DOCK10: variants seen among roughly 807,000 people sequenced by gnomAD.
The protein encoded by DOCK10 is dedicator of cytokinesis 10, also known as dedicator of cytokinesis protein 10.
DOCK10 carries 145 observed loss-of-function variants against 280.1 expected under a neutral mutation model. The observed-to-expected ratio is 0.52, with a 90% CI of 0.45 to 0.59. The LOEUF is 0.59. Ranked by LOEUF, DOCK10 falls within the 20% of genes least tolerant of loss-of-function variation. The pLI, the probability that DOCK10 is intolerant of heterozygous loss-of-function variation, is 0.00. For synonymous variants in DOCK10, 915 were observed against 942.2 expected, an observed-to-expected ratio of 0.97 and a Z score of 0.53; for missense variants, 2,368 against 2,651.7, an observed-to-expected ratio of 0.89 and a Z score of 2.35.
At chr2:224,952,168 C>T (rs544564178) in intron 1 of DOCK10, among the ~76,000 whole-genome samples, 6 of 152,150 alleles carry the variant, frequency 3.9e-5, no homozygotes, top group African/African-American at 1.2e-4. Flanking sequence ...CACAGCTGTA[C>T]GAAAATTCAT....
chr2:224,814,776 C>T (rs1249213668), intron 30 of DOCK10, among the ~76,000 whole-genome samples: 1 of 152,176 alleles, frequency 6.6e-6, no homozygotes, highest in Non-Finnish European at 1.5e-5. Context: ...CCTGCCTTGA[C>T]CTCCCAAAGT....
chr2:224,999,757 T>C lies in DOCK10; in HGVS notation c.123+42495A>G, dbSNP rs185374607. 1.4e-4 allele frequency among the ~76,000 whole-genome samples: 21 copies of C among 151,906 alleles called. No individual in the cohort carries two copies. The East Asian group carries it at 3.9e-3, about 28-fold the overall frequency. On this transcript the variant is annotated intron_variant, in intron 1 of 55. Coordinates refer to ENST00000258390, the MANE Select transcript of DOCK10 (RefSeq NM_014689.3). The stretch of plus-strand genomic sequence containing the variant: ...ATTCTTTAGTCTAAAATGAGTGTTG[T>C]CTGGTTGAATGCCCATAATTGCAGA...
At chr2:224,904,974 C>T (rs1700509350) in intron 3 of DOCK10, among the ~76,000 whole-genome samples, 1 of 152,146 alleles carries the variant, frequency 6.6e-6, no homozygotes, top group South Asian at 2.1e-4. Flanking sequence ...ATAGCCAACT[C>T]CCCCTCCTCT....
rs1690022016 is a variant in DOCK10 at position 224,765,145 on chromosome 2, A to G, written c.*576T>C. The G allele has an allele frequency of 6.5e-6, 1 of 152,686 alleles. No individual in the cohort carries two copies. The allele number at this position is 152,686 out of a possible 1,614,324, so 9.5% of individuals were successfully genotyped here. On this transcript the variant is annotated 3_prime_UTR_variant, in exon 56 of 56. Coordinates refer to ENST00000258390, the MANE Select transcript of DOCK10 (RefSeq NM_014689.3). ...AACAATAAAATACTTTCATAATTTC[A>G]CATCCCATTGCTTTTAAGAGCACAT...
chr2:224,837,591 C>T (rs1695671810), intron 25 of DOCK10, 171 bp downstream of exon 25: 3 of 594,846 alleles, frequency 5.0e-6, no homozygotes, highest in Non-Finnish European at 9.1e-6. Context: ...ATTCACCTAG[C>T]CCATTAATGC....
At chr2:224,919,246 G>A (rs1575057803) in intron 2 of DOCK10, among the ~76,000 whole-genome samples, 1 of 89,416 alleles carries the variant, frequency 1.1e-5, no homozygotes. Context: ...GTGGGTGTGT[G>A]GTATGTGAAT....
chr2:224,845,651 A>G lies in DOCK10; in HGVS notation c.2236-9T>C, dbSNP rs1696295083. 1.0e-5 allele frequency: 16 copies of G among 1,607,058 alleles called. No individual in the cohort carries two copies. Among genetic ancestry groups the G allele is most frequent in the Non-Finnish European group, 1.4e-5 (16 of 1,177,410 alleles). ...GGTAGCTCAATTTTCACCTGCAACG[A>G]AAGAAACCATAGTTGGACTGAGATT... On this transcript the variant is annotated splice_polypyrimidine_tract_variant and intron_variant, in intron 19 of 55. Coordinates refer to ENST00000258390, the MANE Select transcript of DOCK10 (RefSeq NM_014689.3).
intron 1 of DOCK10, among the ~76,000 whole-genome samples, chr2:224,944,295 C>T (rs1040639016): frequency 2.0e-5 from 3 of 152,202 alleles, no homozygotes; most frequent in Admixed American, 1.3e-4. Flanking sequence ...AGGAGAAAAG[C>T]GTGACCTGTA....
At chr2:224,817,267 A>T (rs1467475451) in intron 29 of DOCK10, among the ~76,000 whole-genome samples, 1 of 152,204 alleles carries the variant, frequency 6.6e-6, no homozygotes, top group Non-Finnish European at 1.5e-5. Context: ...TTTGAGTTAG[A>T]TGGAGAGAAA....
At chr2:224,849,754 C>A (rs1187868176) in intron 18 of DOCK10, among the ~76,000 whole-genome samples, 155 bp from the exon 19 acceptor site, 3 of 152,218 alleles carry the variant, frequency 2.0e-5, no homozygotes, top group African/African-American at 7.2e-5. Context: ...CCTTGAACTT[C>A]TTTGGCCTAC....
chr2:224,977,265 T>C (rs1055286453), intron 1 of DOCK10, among the ~76,000 whole-genome samples: 1 of 152,216 alleles, frequency 6.6e-6, no homozygotes, highest in Admixed American at 6.5e-5. Flanking sequence ...TTAAAGTTTT[T>C]TTTCACTTTT....
At chr2:224,934,428 C>A (rs1373647521) in intron 1 of DOCK10, among the ~76,000 whole-genome samples, 1 of 152,076 alleles carries the variant, frequency 6.6e-6, no homozygotes, top group Non-Finnish European at 1.5e-5. Flanking sequence ...TCAAGATATC[C>A]AATGCATCAT....
intron 3 of DOCK10, among the ~76,000 whole-genome samples, chr2:224,910,904 C>T (rs1461356423): frequency 6.6e-6 from 1 of 152,022 alleles, no homozygotes; most frequent in Non-Finnish European, 1.5e-5. Flanking sequence ...GCAGGGTTTT[C>T]AGTACTAGTG....
In DOCK10 at chr2:224,774,889, G is replaced by A. The variant is rs114010827; in HGVS notation, c.6013+16C>T. 1,054 of 1,570,302 alleles carry A rather than the reference G, an allele frequency of 6.7e-4. 3 individuals carry two copies. The African/African-American group carries it at 9.7e-3, about 14-fold the overall frequency. ...GGAACAGGTGCCACATGTGTGGCCC[G>A]GCTACCTGCACCTACTTGTCAGGAT... On this transcript the variant is annotated intron_variant, in intron 52 of 55. Transcript: ENST00000258390.
intron 1 of DOCK10, among the ~76,000 whole-genome samples, chr2:224,991,842 T>G (rs982757174): frequency 1.3e-5 from 2 of 152,176 alleles, no homozygotes; most frequent in Non-Finnish European, 2.9e-5. Context: ...AAGGTGGATA[T>G]AAATTACAGT....
At chr2:224,841,535 G>A (rs978593937) in intron 23 of DOCK10, among the ~76,000 whole-genome samples, 15 of 152,110 alleles carry the variant, frequency 9.9e-5, no homozygotes, top group African/African-American at 3.1e-4. Context: ...GCAAGGACTC[G>A]TGATTTAATA....
At chr2:224,796,932 C>T (rs967748836) in intron 43 of DOCK10, 32 bp downstream of exon 43, 1 of 1,597,800 alleles carries the variant, frequency 6.3e-7, no homozygotes, top group African/African-American at 1.3e-5. Context: ...GTGGTTTTAA[C>T]AACAGCATTA....
At chr2:224,994,114 T>C (rs763749849) in intron 1 of DOCK10, among the ~76,000 whole-genome samples, 3 of 152,204 alleles carry the variant, frequency 2.0e-5, no homozygotes, top group Non-Finnish European at 4.4e-5. Context: ...ATTTAATATA[T>C]AAGATTTTTT....
chr2:224,812,640 T>C (rs1693857280), intron 31 of DOCK10, among the ~76,000 whole-genome samples: 1 of 152,226 alleles, frequency 6.6e-6, no homozygotes, highest in African/African-American at 2.4e-5. Flanking sequence ...AGTTAGCTCT[T>C]ATTATTTTGA....
Sources: gnomAD v4.1 joint callset for allele counts (sites outside exome capture counted in the v4.1 genomes callset) on GRCh38, gnomAD v4.1.1 for gene constraint, MANE v1.5 for transcripts, NCBI Gene and HGNC (gene_info 2026-07-23, HGNC 2026-07-21) for gene names.